The following MED30 variants were observed in gnomAD, a reference collection of about 807,000 sequenced individuals.
MED30 encodes the protein mediator of RNA polymerase II transcription subunit 30.
A neutral mutation model predicts 21.7 loss-of-function variants in MED30; 8 were observed. The ratio of observed to expected loss-of-function variants is 0.37; its 90% confidence interval spans 0.22 to 0.67. The LOEUF is 0.67. Among genes scored for constraint, MED30 ranks in the 30% least tolerant of loss-of-function variants. The pLI, the probability that MED30 is intolerant of heterozygous loss-of-function variation, is 0.58. For missense variants in MED30, 203 were observed against 228.2 expected, an observed-to-expected ratio of 0.89 and a Z score of 0.71; for synonymous variants, 79 against 86.7, an observed-to-expected ratio of 0.91 and a Z score of 0.49.
intron 1 of MED30, among the ~76,000 whole-genome samples, chr8:117,525,493 A>G (rs1818705874): frequency 6.6e-6 from 1 of 151,476 alleles, no homozygotes; most frequent in Non-Finnish European, 1.5e-5. Flanking sequence ...TTTGCCATGC[A>G]TTTTTTTTAA....
chr8:117,535,522 C>T (rs929221661), intron 3 of MED30, among the ~76,000 whole-genome samples: 1 of 151,906 alleles, frequency 6.6e-6, no homozygotes, highest in Non-Finnish European at 1.5e-5. Flanking sequence ...GCTACTGCAC[C>T]CAGCCGATAC....
chr8:117,533,406 G>T (rs1818819370), intron 3 of MED30, among the ~76,000 whole-genome samples: 1 of 152,112 alleles, frequency 6.6e-6, no homozygotes, highest in Admixed American at 6.5e-5. Context: ...TCCCCATGAG[G>T]ATTTAGCTCC....
At chr8:117,538,906 A>G (rs1456411698) in intron 3 of MED30, among the ~76,000 whole-genome samples, 2 of 152,184 alleles carry the variant, frequency 1.3e-5, no homozygotes, top group Non-Finnish European at 2.9e-5. Context: ...GGAGATTGCA[A>G]TTCATGCTAT....
At chr8:117,531,839 CA>C (rs939950351) in intron 3 of MED30, among the ~76,000 whole-genome samples, 5 of 151,750 alleles carry the variant, frequency 3.3e-5, no homozygotes, top group Non-Finnish European at 5.9e-5. Context: ...ATAGCCAGTA[CA>C]AAAAGACAGT....
intron 3 of MED30, among the ~76,000 whole-genome samples, chr8:117,533,925 A>T (rs1818828351): frequency 6.6e-6 from 1 of 152,244 alleles, no homozygotes; most frequent in African/African-American, 2.4e-5. Context: ...GAAGGAATGC[A>T]GACACTTAAA....
chr8:117,522,700 G>A (rs1016512913), intron 1 of MED30, among the ~76,000 whole-genome samples: 16 of 148,098 alleles, frequency 1.1e-4, no homozygotes, highest in African/African-American at 3.7e-4. Context: ...ATTCAGTTTC[G>A]TGGAAATTTT....
intron 3 of MED30, among the ~76,000 whole-genome samples, chr8:117,538,624 G>T (rs1447125135): frequency 2.6e-5 from 4 of 151,966 alleles, no homozygotes; most frequent in Admixed American, 2.0e-4. Flanking sequence ...TTTCCAAGGG[G>T]TTATTGAATA....
At chr8:117,523,805 G>C in intron 1 of MED30, 1 of 655,344 alleles carries the variant, frequency 1.5e-6, no homozygotes, top group Non-Finnish European at 2.5e-6. Context: ...TCAGGAATTC[G>C]AGACCAGCCT....
chr8:117,539,179 G>C (rs1818935284), intron 3 of MED30, among the ~76,000 whole-genome samples: 1 of 152,148 alleles, frequency 6.6e-6, no homozygotes, highest in African/African-American at 2.4e-5. Flanking sequence ...TAAATAATTA[G>C]GTCAGTGTTG....
chr8:117,538,884 T>C (rs1818929819), intron 3 of MED30, among the ~76,000 whole-genome samples: 1 of 152,204 alleles, frequency 6.6e-6, no homozygotes, highest in East Asian at 1.9e-4. Context: ...TCTTCAGTTT[T>C]TAGAATTAGA....
chr8:117,539,226 G>T (rs1261886810), intron 3 of MED30, among the ~76,000 whole-genome samples: 2 of 152,180 alleles, frequency 1.3e-5, no homozygotes, highest in Non-Finnish European at 2.9e-5. Context: ...GGGTGTGATG[G>T]CTCATGCCTG....
chr8:117,532,480 T>C (rs1322844558), intron 3 of MED30, among the ~76,000 whole-genome samples: 3 of 152,116 alleles, frequency 2.0e-5, no homozygotes, highest in Non-Finnish European at 4.4e-5. Context: ...AAAAACAGCC[T>C]TCTTATTGTA....
At chr8:117,539,719 C>A (rs1818946468) in intron 3 of MED30, among the ~76,000 whole-genome samples, 164 bp from the exon 4 acceptor site, 1 of 152,196 alleles carries the variant, frequency 6.6e-6, no homozygotes. Context: ...TCCCTGTCAG[C>A]AAATATTTAA....
At chr8:117,522,621 A>G (rs1818645668) in intron 1 of MED30, among the ~76,000 whole-genome samples, 1 of 151,910 alleles carries the variant, frequency 6.6e-6, no homozygotes, top group African/African-American at 2.4e-5. Context: ...GGTGTCCAAA[A>G]AAGTGTTTTA....
intron 3 of MED30, among the ~76,000 whole-genome samples, chr8:117,538,938 G>A (rs749365218): frequency 3.9e-5 from 6 of 152,154 alleles, no homozygotes; most frequent in East Asian, 1.9e-4. Flanking sequence ...GATTTCTGCC[G>A]CACTTTTGAA....
chr8:117,524,923 T>G (rs199930281), intron 1 of MED30, among the ~76,000 whole-genome samples: 2 of 152,204 alleles, frequency 1.3e-5, no homozygotes, highest in Non-Finnish European at 2.9e-5. Context: ...AAATACTCCC[T>G]TATCCTTTTT....
chr8:117,528,651 C>T lies in MED30; in HGVS notation c.178C>T (p.Leu60=), dbSNP rs1818754063. ...TTTATTCTTTGTTTTTCCTGATAAG[C>T]TGCCAAATGGTGTCACTTACCACAC... ...EIFQLLRNMQ[L]PNGVTYHTGT... is the part of the protein sequence containing the mutation. Residue 60 remains leucine, a splice_region_variant and synonymous_variant, in exon 2 of 4, where the codon CTG becomes TTG. Transcript: ENST00000297347. 3 of 1,549,182 alleles carry T rather than the reference C, an allele frequency of 1.9e-6. No individual in the cohort carries two copies. In the Admixed American group the frequency reaches 6.6e-5, roughly 34 times the overall value.
At chr8:117,537,812 T>C (rs1317805854) in intron 3 of MED30, among the ~76,000 whole-genome samples, 1 of 152,156 alleles carries the variant, frequency 6.6e-6, no homozygotes, top group African/African-American at 2.4e-5. Flanking sequence ...AGATGACCAA[T>C]TGTCATCTTA....
Position 117,530,552 on chromosome 8 carries a change from A to G in MED30, c.337-171A>G. 6.0e-6 allele frequency: 3 copies of G among 502,042 alleles called. No individual in the cohort carries two copies. In the South Asian group the frequency reaches 1.0e-4, roughly 17 times the overall value. The allele number at this position is 502,042 out of a possible 1,614,324, so 31.1% of individuals were successfully genotyped here. ...CCTGAAAGGGTAATGCATAGAATGC[A>G]TTGAAATGGTCAACTATTAAAGCTC... On this transcript the variant is annotated intron_variant, in intron 2 of 3. Transcript: ENST00000297347.
Sources: allele counts gnomAD v4.1 joint callset (sites outside exome capture counted in the v4.1 genomes callset), GRCh38; gene constraint gnomAD v4.1.1; transcripts MANE v1.5; gene names NCBI Gene and HGNC (gene_info 2026-07-23, HGNC 2026-07-21).